CREBBP: variants seen among roughly 807,000 people sequenced by gnomAD.
CREBBP encodes CREB binding lysine acetyltransferase.
CREBBP carries 19 observed loss-of-function variants against 265.0 expected under a neutral mutation model. That is an observed-to-expected ratio of 0.07 (90% CI 0.05 to 0.11). The LOEUF (loss-of-function observed/expected upper bound fraction) is 0.11. Ranked by LOEUF, CREBBP falls within the 10% of genes least tolerant of loss-of-function variation. The pLI, the probability that CREBBP is intolerant of heterozygous loss-of-function variation, is 1.00. For missense variants in CREBBP, 2,525 were observed against 3,219.0 expected, an observed-to-expected ratio of 0.78 and a Z score of 5.22; for synonymous variants, 1,457 against 1,223.7, an observed-to-expected ratio of 1.19 and a Z score of -3.98.
chr16:3,770,347 G>A (rs2052970206), intron 14 of CREBBP, among the ~76,000 whole-genome samples: 1 of 151,962 alleles, frequency 6.6e-6, no homozygotes, highest in South Asian at 2.1e-4. Flanking sequence ...ACACCACCAT[G>A]CTTGTCTGGT....
chr16:3,876,322 G>A, intron 1 of CREBBP, among the ~76,000 whole-genome samples: 1 of 137,938 alleles, frequency 7.2e-6, no homozygotes, highest in South Asian at 2.4e-4. Flanking sequence ...TTATAGGCAT[G>A]AGCCACCACC....
intron 2 of CREBBP, among the ~76,000 whole-genome samples, chr16:3,849,444 T>TGTGTGTGTGTGTGTGTGTGTGTGTGTG (rs2054766850): frequency 4.0e-5 from 1 of 24,834 alleles, no homozygotes; most frequent in African/African-American, 7.0e-5. Flanking sequence ...TGTGTGTGTG[T>TGTGTGTGTGTGTGTGTGTGTGTGTGTG]GTGTGTGTGT....
At position 3,736,644 on chromosome 16, in the gene CREBBP, G is replaced by C. The variant is rs369973805; in HGVS notation, c.4560+6C>G. 6.2e-7 allele frequency: 1 copy of C among 1,614,200 alleles called. No homozygotes were observed. Among genetic ancestry groups the C allele is most frequent in the South Asian group, 1.1e-5 (1 of 91,086 alleles). ...AAAGCCACCACCTTCCTTCAGCGCC[G>C]GGTACCTTGTAGTCATGGATGATCC... is the stretch of plus-strand genomic sequence containing the variant. On this transcript the variant is annotated splice_donor_region_variant and intron_variant, in intron 27 of 30. Coordinates refer to ENST00000262367, the MANE Select transcript of CREBBP (RefSeq NM_004380.3).
rs746656673 is a variant in CREBBP, at chr16:3,794,331, CAAAAAAAAAAAAAAAAA to C, written c.976-722_976-706del. Among the ~76,000 whole-genome samples the C allele has an allele frequency of 3.5e-4, 14 of 39,614 alleles. No individual in the cohort carries two copies. In the South Asian group the frequency reaches 6.1e-3, roughly 17 times the overall value. 26.0% of individuals were successfully genotyped at this position (39,614 alleles called of 152,430 possible). On this transcript the variant is annotated intron_variant, in intron 3 of 30. Transcript: ENST00000262367. ...TGGGCGACAGATCGAGACTCCGTCT[CAAAAAAAAAAAAAAAAA>C]AAAAAAAAAAAAAAAAAGATTTGCC...
At chr16:3,855,611 G>A (rs2141521523) in intron 1 of CREBBP, among the ~76,000 whole-genome samples, 1 of 152,254 alleles carries the variant, frequency 6.6e-6, no homozygotes, top group Admixed American at 6.5e-5. Flanking sequence ...ATTGTAGAAG[G>A]TCCTTCAATT....
At chr16:3,763,227 C>T (rs1487625473) in intron 16 of CREBBP, among the ~76,000 whole-genome samples, 1 of 151,656 alleles carries the variant, frequency 6.6e-6, no homozygotes, top group East Asian at 1.9e-4. Flanking sequence ...TCACAGCCCA[C>T]TGCATGCAAA....
chr16:3,852,788 T>G (rs1305689732), intron 1 of CREBBP, among the ~76,000 whole-genome samples: 1 of 152,118 alleles, frequency 6.6e-6, no homozygotes, highest in Admixed American at 6.5e-5. Context: ...AAATGGGAAC[T>G]AAAACAACCC....
chr16:3,803,073 T>G (rs1222256695), intron 3 of CREBBP, among the ~76,000 whole-genome samples: 1 of 151,902 alleles, frequency 6.6e-6, no homozygotes, highest in Non-Finnish European at 1.5e-5. Context: ...ACCTCAGAGG[T>G]GATAAACTGG....
At chr16:3,745,662 G>A (rs1481834019) in intron 21 of CREBBP, 2 of 435,774 alleles carry the variant, frequency 4.6e-6, no homozygotes, top group African/African-American at 4.0e-5. Flanking sequence ...TTCACAGGCC[G>A]GTATTTCTGA....
chr16:3,748,526 T>G (rs1399603239), intron 21 of CREBBP, among the ~76,000 whole-genome samples: 1 of 152,148 alleles, frequency 6.6e-6, no homozygotes, highest in East Asian at 1.9e-4. Context: ...AAGCTAGGTT[T>G]CCAGAGGTGG....
chr16:3,779,989 C>T (rs972816627), intron 8 of CREBBP, among the ~76,000 whole-genome samples: 3 of 151,992 alleles, frequency 2.0e-5, no homozygotes, highest in Non-Finnish European at 4.4e-5. Context: ...GGCTCATAAC[C>T]CCAGCACTTC....
intron 2 of CREBBP, among the ~76,000 whole-genome samples, chr16:3,827,031 T>A (rs2054250587): frequency 6.6e-6 from 1 of 152,228 alleles, no homozygotes; most frequent in African/African-American, 2.4e-5. Flanking sequence ...TTGCACCGCC[T>A]GTAGTTTCAT....
At chr16:3,801,276 C>A (rs2053707322) in intron 3 of CREBBP, among the ~76,000 whole-genome samples, 2 of 152,190 alleles carry the variant, frequency 1.3e-5, no homozygotes, top group Admixed American at 1.3e-4. Context: ...AGGACCAAAG[C>A]AACTCAAATA....
intron 1 of CREBBP, among the ~76,000 whole-genome samples, chr16:3,876,854 G>A (rs1387956691): frequency 6.6e-6 from 1 of 152,184 alleles, no homozygotes; most frequent in Non-Finnish European, 1.5e-5. Flanking sequence ...CAGTGGCAGT[G>A]ACATTCATCA....
intron 5 of CREBBP, among the ~76,000 whole-genome samples, chr16:3,787,022 G>T (rs2053403013): frequency 6.7e-6 from 1 of 150,152 alleles, no homozygotes; most frequent in African/African-American, 2.5e-5. Context: ...GGTGAACTAA[G>T]ATCGCGCCAC....
At chr16:3,784,672 A>C (rs130027) in intron 5 of CREBBP, among the ~76,000 whole-genome samples, 1,894 of 152,344 alleles carry the variant, frequency 0.012, 35 homozygotes, top group African/African-American at 0.042. Flanking sequence ...AACTTAAAAG[A>C]AACAAAGTAT....
intron 1 of CREBBP, among the ~76,000 whole-genome samples, chr16:3,868,997 G>C (rs1167648953): frequency 6.6e-6 from 1 of 152,164 alleles, no homozygotes; most frequent in African/African-American, 2.4e-5. Context: ...AAAACCATGA[G>C]GCCTCCTAAA....
intron 16 of CREBBP, among the ~76,000 whole-genome samples, chr16:3,763,072 C>A (rs2052762188): frequency 6.6e-6 from 1 of 150,914 alleles, no homozygotes; most frequent in African/African-American, 2.4e-5. Flanking sequence ...CCACGCCCGG[C>A]CACCCTGGTC....
chr16:3,803,568 T>A (rs2053769438), intron 3 of CREBBP, among the ~76,000 whole-genome samples: 3 of 151,994 alleles, frequency 2.0e-5, no homozygotes, highest in African/African-American at 7.3e-5. Flanking sequence ...CCAGAATGAT[T>A]TATAAGTAAT....
Sources: gnomAD v4.1 joint callset for allele counts (sites outside exome capture counted in the v4.1 genomes callset) on GRCh38, gnomAD v4.1.1 for gene constraint, MANE v1.5 for transcripts, NCBI Gene and HGNC (gene_info 2026-07-23, HGNC 2026-07-21) for gene names.